NUP42: variants seen among roughly 807,000 people sequenced by gnomAD.
NUP42 encodes the protein nucleoporin NUP42.
A neutral mutation model predicts 35.9 loss-of-function variants in NUP42; 47 were observed. The observed-to-expected ratio is 1.31, with a 90% CI of 1.04 to 1.67. The LOEUF (loss-of-function observed/expected upper bound fraction) is 1.67, where lower values mean the gene tolerates loss of function less well. Among genes scored for constraint, NUP42 ranks in the 40% most tolerant of loss-of-function variants. The pLI, the probability that NUP42 is intolerant of heterozygous loss-of-function variation, is 0.00. For missense variants in NUP42, 514 were observed against 492.2 expected (o/e 1.04, Z -0.42); for synonymous variants, 173 against 173.3 (o/e 1.00, Z 0.01).
chr7:23,188,346 T>G, intron 3 of NUP42: 1 of 1,130,224 alleles, frequency 8.8e-7, no homozygotes, highest in Non-Finnish European at 1.1e-6. Flanking sequence ...CTTATGAATC[T>G]TACATTCTTG....
At chr7:23,196,503 G>T in intron 4 of NUP42, 177 bp from the exon 5 acceptor site, 1 of 553,066 alleles carries the variant, frequency 1.8e-6, no homozygotes, top group Non-Finnish European at 3.2e-6. Context: ...GAGGGAACTG[G>T]AGCTGGCATA....
In NUP42 at chr7:23,200,717, C is replaced by G; in HGVS notation, c.1244C>G (p.Pro415Arg). Residue 415 changes from proline (P) to arginine (R), a missense_variant, in exon 7 of 7, where the codon CCT (proline) becomes CGT (arginine). Transcript: ENST00000258742. ...ACTCTGGGAAAAATTCCATTAAAGC[C>G]TCCACCTCTGGAACTTCTAAATGTT... ...KFTLGKIPLK[P>R]PPLELLNV The G allele has an allele frequency of 6.3e-7, 1 of 1,599,554 alleles. No individual in the cohort carries two copies. Among genetic ancestry groups the G allele is most frequent in the Non-Finnish European group, 8.5e-7 (1 of 1,174,648 alleles).
At chr7:23,192,561 A>AG (rs1316811255) in intron 3 of NUP42, among the ~76,000 whole-genome samples, 8 of 148,322 alleles carry the variant, frequency 5.4e-5, no homozygotes, top group African/African-American at 2.1e-4. Flanking sequence ...AAAAAAAAAA[A>AG]AAGAAAAAGA....
At chr7:23,182,257 G>A in intron 1 of NUP42, 51 bp downstream of exon 1, 1 of 1,548,832 alleles carries the variant, frequency 6.5e-7, no homozygotes, top group Non-Finnish European at 8.7e-7. Flanking sequence ...AGGGTCCGCC[G>A]GCGGGGACCG....
intron 3 of NUP42, among the ~76,000 whole-genome samples, chr7:23,188,793 GATTA>G (rs1785690736): frequency 6.6e-6 from 1 of 152,200 alleles, no homozygotes; most frequent in African/African-American, 2.4e-5. Flanking sequence ...AATACTAAGT[GATTA>G]ATTGCCATTT....
intron 5 of NUP42, among the ~76,000 whole-genome samples, chr7:23,197,723 A>T (rs1391636477): frequency 2.0e-5 from 3 of 152,180 alleles, no homozygotes; most frequent in African/African-American, 7.2e-5. Context: ...AGCTGACTTA[A>T]CATGTATCAG....
In NUP42 at chr7:23,187,041, C is replaced by CT; in HGVS notation, c.351-5dup. On this transcript the variant is annotated splice_polypyrimidine_tract_variant and intron_variant, in intron 2 of 6. Transcript: ENST00000258742. Reference sequence around the variant, plus strand: ...GATCCTTTACTCTTTTTTTTTTTTTCTTTTTTGCAGGGAAGGAATTGTAAA... The same window carrying CT: ...GATCCTTTACTCTTTTTTTTTTTTTCTTTTTTTGCAGGGAAGGAATTGTAAA... 2 of 1,283,848 alleles carry CT rather than the reference C, an allele frequency of 1.6e-6. No individual in the cohort carries two copies. The highest frequency in any genetic ancestry group is 2.7e-5 in the East Asian group (1 of 37,022). The allele number at this position is 1,283,848 out of a possible 1,614,324, so 79.5% of individuals were successfully genotyped here.
intron 3 of NUP42, chr7:23,195,520 T>A (rs1331495709): frequency 1.5e-5 from 3 of 197,264 alleles, no homozygotes; most frequent in Non-Finnish European, 3.0e-5. Context: ...TAATTTTGCT[T>A]AGTATAGTTT....
At chr7:23,199,415 T>G in intron 5 of NUP42, 43 bp from the exon 6 acceptor site, 1 of 1,469,450 alleles carries the variant, frequency 6.8e-7, no homozygotes, top group Non-Finnish European at 9.5e-7. Flanking sequence ...ACTGGAGCAC[T>G]ATTCATCAAG....
chr7:23,184,205 ATCTC>A (rs1785514632), intron 1 of NUP42, among the ~76,000 whole-genome samples: 1 of 152,204 alleles, frequency 6.6e-6, no homozygotes, highest in Non-Finnish European at 1.5e-5. Context: ...ACCATGTATA[ATCTC>A]TCTGTGAAAA....
intron 1 of NUP42, 94 bp downstream of exon 1, chr7:23,182,300 C>T: frequency 6.6e-7 from 1 of 1,510,192 alleles, no homozygotes; most frequent in Non-Finnish European, 8.8e-7. Flanking sequence ...GCTGGTGACC[C>T]CAACGTGCCC....
intron 3 of NUP42, chr7:23,187,939 TCTCTCTCTC>T: frequency 2.5e-6 from 1 of 401,728 alleles, no homozygotes; most frequent in Non-Finnish European, 4.3e-6. Context: ...ATTCTCTGTC[TCTCTCTCTC>T]TCTCTGGCCT....
chr7:23,187,605 T>C (rs1189748735), intron 3 of NUP42, among the ~76,000 whole-genome samples: 4 of 144,782 alleles, frequency 2.8e-5, no homozygotes, highest in Non-Finnish European at 1.5e-5. Flanking sequence ...GCAACTTTTT[T>C]TTTTTTTTTT....
chr7:23,183,524 TCTAACC>T (rs1785487457), intron 1 of NUP42, among the ~76,000 whole-genome samples: 1 of 152,100 alleles, frequency 6.6e-6, no homozygotes, highest in Non-Finnish European at 1.5e-5. Flanking sequence ...GCGGGCCTCA[TCTAACC>T]TTTAAACCTT....
Position 23,200,148 on chromosome 7 carries a change from G to T in NUP42, c.695-20G>T, listed in dbSNP as rs858236. Reference sequence around the variant, plus strand: ...GTAATAGATTTTTGTTGTTTTTTTTGTTGTTGTTGTTGTTTGTAGGCTTTC... The same window carrying T: ...GTAATAGATTTTTGTTGTTTTTTTTTTTGTTGTTGTTGTTTGTAGGCTTTC... On this transcript the variant is annotated intron_variant, in intron 6 of 6. Transcript: ENST00000258742. 0.053 allele frequency: 73,774 copies of T among 1,385,700 alleles called. 1,875 individuals are homozygous for T. Among genetic ancestry groups the T allele is most frequent in the South Asian group, 0.098 (6,784 of 68,966 alleles). 85.8% of individuals were successfully genotyped at this position (1,385,700 alleles called of 1,614,324 possible).
In NUP42 at chr7:23,182,110, C is replaced by T. The variant is rs1785423689; in HGVS notation, c.25C>T (p.Gln9Ter). 1 of 1,614,036 alleles carries T rather than the reference C, an allele frequency of 6.2e-7. No homozygotes were observed. Among genetic ancestry groups the T allele is most frequent in the Non-Finnish European group, 8.5e-7 (1 of 1,180,058 alleles). ...AATGGCCATTTGTCAATTCTTCCTT[C>T]AAGGCCGGTGCCGCTTTGGAGATCG... Reference protein sequence around the residue: MAICQFFLQGRCRFGDRCW... With the variant: MAICQFFL The change falls in exon 1 of 7, where the codon CAA (glutamine) becomes TAA (stop). Residue 9 changes from glutamine to a stop codon, truncating the protein, a stop_gained. Coordinates refer to ENST00000258742, the MANE Select transcript of NUP42 (RefSeq NM_007342.3). LOFTEE classifies it high-confidence loss of function.
chr7:23,195,039 A>G (rs1785965987), intron 3 of NUP42: 1 of 152,252 alleles, frequency 6.6e-6, no homozygotes, highest in African/African-American at 2.4e-5. Flanking sequence ...TACTAAAAAT[A>G]TTAGAATGAA....
intron 3 of NUP42, chr7:23,187,943 T>TGGGTGG: frequency 2.2e-6 from 1 of 453,652 alleles, no homozygotes; most frequent in East Asian, 4.3e-5. Context: ...TCTGTCTCTC[T>TGGGTGG]CTCTCTCTCT....
chr7:23,182,080 G>A lies in NUP42; in HGVS notation c.-6G>A, dbSNP rs967857868. ...GAAGACGCCCTCCGTCAGCGACGCC[G>A]TCGCAATGGCCATTTGTCAATTCTT... is the stretch of plus-strand genomic sequence containing the variant. On this transcript the variant is annotated 5_prime_UTR_variant, in exon 1 of 7. Transcript: ENST00000258742. The A allele has an allele frequency of 1.2e-6, 2 of 1,613,684 alleles. No individual in the cohort carries two copies. The highest frequency in any genetic ancestry group is 1.1e-5 in the South Asian group (1 of 91,088).
Sources: gnomAD v4.1 joint callset for allele counts (sites outside exome capture counted in the v4.1 genomes callset) on GRCh38, gnomAD v4.1.1 for gene constraint, MANE v1.5 for transcripts, NCBI Gene and HGNC (gene_info 2026-07-23, HGNC 2026-07-21) for gene names.